The following TRPM3 variants were observed in gnomAD, a reference collection of about 807,000 sequenced individuals.
TRPM3 encodes long transient receptor potential channel 3.
In TRPM3, 77 loss-of-function variants were observed where a neutral mutation model predicts 181.2. That is an observed-to-expected ratio of 0.42 (90% CI 0.35 to 0.51). TRPM3 has a LOEUF of 0.51. Ranked by LOEUF, TRPM3 falls within the 20% of genes least tolerant of loss-of-function variation. The pLI is 0.01. For synonymous variants in TRPM3, 745 were observed against 796.4 expected (o/e 0.94, Z 1.09); for missense variants, 1,759 against 2,196.7 (o/e 0.80, Z 3.98).
rs2277188 is a variant in TRPM3, at chr9:70,549,721, C to T, written c.3575-47G>A. ...AAGTCTTGAGGGAGAGAAGTAAAAG[C>T]GATGGCATCTGATTTGTGGGCCTAG... On this transcript the variant is annotated intron_variant, in intron 24 of 25. Coordinates refer to ENST00000677713, the MANE Select transcript of TRPM3 (RefSeq NM_001366145.2). The T allele has an allele frequency of 9.1e-3, 14,174 of 1,550,108 alleles. 615 individuals carry two copies. The East Asian group carries it at 0.13, about 15-fold the overall frequency.
chr9:71,443,469 T>C (rs538768301), intron 1 of TRPM3, among the ~76,000 whole-genome samples: 2 of 152,328 alleles, frequency 1.3e-5, no homozygotes, highest in East Asian at 3.9e-4. Context: ...CCTTCAGCTA[T>C]TGCACAGGGC....
intron 1 of TRPM3, among the ~76,000 whole-genome samples, chr9:71,390,166 T>C (rs2093029213): frequency 6.6e-6 from 1 of 151,822 alleles, no homozygotes; most frequent in Non-Finnish European, 1.5e-5. Flanking sequence ...CATCCACAGA[T>C]AGATAAATAT....
chr9:70,562,546 T>A (rs868439309), intron 22 of TRPM3, among the ~76,000 whole-genome samples: 1 of 151,456 alleles, frequency 6.6e-6, no homozygotes, highest in Non-Finnish European at 1.5e-5. Flanking sequence ...ACTATTAAGC[T>A]CAATGTCTCA....
intron 6 of TRPM3, among the ~76,000 whole-genome samples, chr9:70,787,383 C>T (rs556343156): frequency 5.9e-5 from 9 of 152,100 alleles, no homozygotes; most frequent in Admixed American, 1.3e-4. Context: ...TGATAATACA[C>T]GGACATTTGT....
At chr9:71,302,590 T>C (rs753101995) in intron 1 of TRPM3, among the ~76,000 whole-genome samples, 3 of 152,218 alleles carry the variant, frequency 2.0e-5, no homozygotes, top group Non-Finnish European at 2.9e-5. Flanking sequence ...AATACAATTA[T>C]ACTCTACTTT....
At chr9:71,329,261 G>A (rs2089946920) in intron 1 of TRPM3, among the ~76,000 whole-genome samples, 1 of 152,098 alleles carries the variant, frequency 6.6e-6, no homozygotes, top group African/African-American at 2.4e-5. Flanking sequence ...TGTTTATTTT[G>A]TCTCTCAAAT....
intron 1 of TRPM3, among the ~76,000 whole-genome samples, chr9:71,403,712 A>C (rs1004107025): frequency 6.6e-6 from 1 of 152,172 alleles, no homozygotes; most frequent in African/African-American, 2.4e-5. Flanking sequence ...ATCTGAACCC[A>C]GACAGTGTGA....
chr9:71,045,260 T>C (rs138140318), intron 1 of TRPM3, among the ~76,000 whole-genome samples: 18 of 152,006 alleles, frequency 1.2e-4, no homozygotes, highest in African/African-American at 4.4e-4. Context: ...TTTAAATGCT[T>C]TCACCCAATC....
chr9:71,046,641 T>C (rs1017399927), intron 1 of TRPM3, among the ~76,000 whole-genome samples: 1 of 152,170 alleles, frequency 6.6e-6, no homozygotes, highest in Admixed American at 6.5e-5. Context: ...TATTGTCACT[T>C]ATTGAGATAT....
chr9:71,150,806 A>T (rs1437298176), intron 1 of TRPM3, among the ~76,000 whole-genome samples: 1 of 152,170 alleles, frequency 6.6e-6, no homozygotes, highest in Non-Finnish European at 1.5e-5. Context: ...AATTCTTAGG[A>T]AAGAATTTAA....
Position 70,615,957 on chromosome 9 carries a change from T to A in TRPM3, c.2477A>T (p.Glu826Val). 1 of 1,613,162 alleles carries A rather than the reference T, an allele frequency of 6.2e-7. No individual in the cohort carries two copies. Among genetic ancestry groups the A allele is most frequent in the Non-Finnish European group, 8.5e-7 (1 of 1,179,596 alleles). ...EIHLQEKEAE[E>V]PEKPTKEKEE... ...TTTTTCCTTTGTGGGCTTCTCTGGT[T>A]CTTCTGCCTCCTTCTCTTGGAGGTG... Residue 826 changes from glutamate to valine, a missense_variant, in exon 18 of 26, where the codon GAA (glutamate) becomes GTA (valine). Glu to Val is a moderately radical substitution (Grantham distance 121). Around this residue, in one of 8 missense-constraint regions of TRPM3, gnomAD observed 114 missense variants for 134.8 expected, o/e 0.85. Transcript: ENST00000677713.
intron 1 of TRPM3, among the ~76,000 whole-genome samples, chr9:71,327,812 G>T (rs1182843808): frequency 6.6e-6 from 1 of 152,126 alleles, no homozygotes; most frequent in Non-Finnish European, 1.5e-5. Context: ...TTTTAAAAAT[G>T]TTTTAATGTG....
chr9:71,104,592 A>C (rs183682966), intron 1 of TRPM3, among the ~76,000 whole-genome samples: 1 of 152,226 alleles, frequency 6.6e-6, no homozygotes, highest in South Asian at 2.1e-4. Flanking sequence ...ATTACTGAAG[A>C]TTAAACAACG....
chr9:70,588,321 G>A (rs937461015), intron 22 of TRPM3, among the ~76,000 whole-genome samples: 1 of 152,044 alleles, frequency 6.6e-6, no homozygotes, highest in Admixed American at 6.6e-5. Context: ...CAGAAGTGAG[G>A]GCATCAAAGC....
intron 1 of TRPM3, among the ~76,000 whole-genome samples, chr9:70,926,774 C>T (rs886706205): frequency 1.1e-4 from 17 of 152,136 alleles, no homozygotes; most frequent in Admixed American, 2.0e-4. Flanking sequence ...CATATTGTAA[C>T]AGTCTCAGAG....
intron 1 of TRPM3, among the ~76,000 whole-genome samples, chr9:71,337,579 G>C (rs923131113): frequency 6.6e-6 from 1 of 152,096 alleles, no homozygotes; most frequent in African/African-American, 2.4e-5. Context: ...CCATTACTGG[G>C]TATATACCCA....
rs529397840 is a variant in TRPM3, at chr9:70,623,856, A to G, written c.1809+1335T>C. On this transcript the variant is annotated intron_variant, in intron 14 of 25. Coordinates refer to ENST00000677713, the MANE Select transcript of TRPM3 (RefSeq NM_001366145.2). ...GCACTTATGCGATTGTTTGGATTGT[A>G]TTATAGCCACTTTTTTTTTTCATGG... Among the ~76,000 whole-genome samples, 496 of 138,216 alleles carry G rather than the reference A, an allele frequency of 3.6e-3. 3 individuals are homozygous for G. Among genetic ancestry groups the G allele is most frequent in the African/African-American group, 0.011 (460 of 40,390 alleles). 90.7% of individuals were successfully genotyped at this position (138,216 alleles called of 152,430 possible).
At position 71,314,694 on chromosome 9, in the gene TRPM3, T is replaced by C. The variant is rs2088373096; in HGVS notation, c.183+131959A>G. On this transcript the variant is annotated intron_variant, in intron 1 of 24. Transcript: ENST00000357533. ...TGAGGCCACAGGTTAGAAAAGTGAATGAATCCCCCAACTAGAACAAGTAAA... is the reference window on the plus strand; with the variant it reads ...TGAGGCCACAGGTTAGAAAAGTGAACGAATCCCCCAACTAGAACAAGTAAA... Among the ~76,000 whole-genome samples, 4 of 152,076 alleles carry C rather than the reference T, an allele frequency of 2.6e-5. No individual in the cohort carries two copies. The South Asian group carries it at 8.3e-4, about 32-fold the overall frequency.
intron 1 of TRPM3, among the ~76,000 whole-genome samples, chr9:71,062,857 A>G (rs1020204911): frequency 1.3e-5 from 2 of 152,084 alleles, no homozygotes; most frequent in African/African-American, 4.8e-5. Flanking sequence ...TAATACAGCA[A>G]GAAGACTCTC....
Sources: gnomAD v4.1 joint callset for allele counts (sites outside exome capture counted in the v4.1 genomes callset) on GRCh38, gnomAD v4.1.1 for gene constraint, gnomAD v4.1.1 regional missense constraint, MANE v1.5 for transcripts, NCBI Gene and HGNC (gene_info 2026-07-23, HGNC 2026-07-21) for gene names.